Variants in GNAL observed in about 807,000 individuals in gnomAD.
GNAL encodes the protein G protein subunit alpha L, also known as guanine nucleotide-binding protein G(olf) subunit alpha.
A neutral mutation model predicts 55.1 loss-of-function variants in GNAL; 18 were observed. That is an observed-to-expected ratio of 0.33 (90% CI 0.23 to 0.48). The LOEUF is 0.48. GNAL is among the 20% of genes least tolerant of loss of function. The pLI is 0.99. For missense variants in GNAL, 412 were observed against 614.1 expected, an observed-to-expected ratio of 0.67 and a Z score of 3.48; for synonymous variants, 253 against 237.0, an observed-to-expected ratio of 1.07 and a Z score of -0.62.
intron 4 of GNAL, among the ~76,000 whole-genome samples, chr18:11,770,256 G>A (rs1030046699): frequency 2.6e-5 from 4 of 151,514 alleles, no homozygotes; most frequent in Non-Finnish European, 2.9e-5. Context: ...AGTATGATTT[G>A]AAAATAAATT....
chr18:11,819,035 C>G (rs2035027679), intron 4 of GNAL, among the ~76,000 whole-genome samples: 1 of 150,936 alleles, frequency 6.6e-6, no homozygotes, highest in African/African-American at 2.5e-5. Flanking sequence ...CCACAGCCGC[C>G]AGACAGACGG....
intron 5 of GNAL, chr18:11,854,225 C>T (rs1403552447): frequency 1.8e-5 from 3 of 167,116 alleles, no homozygotes; most frequent in Middle Eastern, 3.4e-3. Context: ...GCACATATTC[C>T]CAACAAAATT....
chr18:11,876,808 A>G (rs2143917343), intron 11 of GNAL, 120 bp downstream of exon 11: 2 of 716,718 alleles, frequency 2.8e-6, no homozygotes, highest in South Asian at 3.1e-5. Context: ...GAGCGATGAC[A>G]AAGGGTATGT....
chr18:11,796,660 T>C (rs1473969327), intron 4 of GNAL, among the ~76,000 whole-genome samples: 1 of 150,950 alleles, frequency 6.6e-6, no homozygotes, highest in East Asian at 2.0e-4. Context: ...TTCGGTGATA[T>C]CCTGCCAGTG....
intron 1 of GNAL, among the ~76,000 whole-genome samples, chr18:11,750,859 G>T (rs2032802870): frequency 6.6e-6 from 1 of 152,130 alleles, no homozygotes. Flanking sequence ...GAATGTGTTC[G>T]CTTGCTTGAG....
chr18:11,773,968 T>C (rs191837887), intron 4 of GNAL, among the ~76,000 whole-genome samples: 1 of 152,296 alleles, frequency 6.6e-6, no homozygotes, highest in African/African-American at 2.4e-5. Flanking sequence ...ATCTCTATGC[T>C]CAGTTTCCTC....
intron 4 of GNAL, among the ~76,000 whole-genome samples, chr18:11,763,747 A>G (rs912999782): frequency 6.6e-6 from 1 of 152,244 alleles, no homozygotes; most frequent in Non-Finnish European, 1.5e-5. Context: ...AGCAGTAACA[A>G]TAATAATAAA....
chr18:11,777,231 G>T (rs185394922), intron 4 of GNAL, among the ~76,000 whole-genome samples: 2 of 152,128 alleles, frequency 1.3e-5, no homozygotes, highest in Non-Finnish European at 2.9e-5. Flanking sequence ...TTCCAGGACC[G>T]GTATCATTAC....
intron 4 of GNAL, among the ~76,000 whole-genome samples, chr18:11,755,167 C>T (rs9957006): frequency 0.33 from 49,642 of 152,138 alleles, 8,974 homozygotes; most frequent in African/African-American, 0.48. Flanking sequence ...GAGACCCCGC[C>T]CTGCCTGCAA....
chr18:11,767,389 CCT>C (rs2033443044), intron 4 of GNAL, among the ~76,000 whole-genome samples: 1 of 151,852 alleles, frequency 6.6e-6, no homozygotes, highest in Non-Finnish European at 1.5e-5. Context: ...TGCACACTTG[CCT>C]CTGAGCACCC....
chr18:11,711,675 T>G lies in GNAL; in HGVS notation c.376+21736T>G, dbSNP rs552992291. 2.0e-4 allele frequency among the ~76,000 whole-genome samples: 30 copies of G among 152,258 alleles called. 1 individual carries two copies. Among genetic ancestry groups the G allele is most frequent in the Non-Finnish European group, 1.5e-5 (1 of 68,044 alleles). ...AACTCTCTGAGCTTCATAAGATGAT[T>G]ATTTTTAATTCTTTGTCTGATCTCT... On this transcript the variant is annotated intron_variant, in intron 1 of 11. Transcript: ENST00000334049.
chr18:11,807,282 G>A (rs867939668), intron 4 of GNAL, among the ~76,000 whole-genome samples: 5 of 152,160 alleles, frequency 3.3e-5, no homozygotes, highest in East Asian at 1.9e-4. Context: ...CCTGTAATGC[G>A]ATTTGACTTA....
At chr18:11,767,397 C>A (rs1430703903) in intron 4 of GNAL, among the ~76,000 whole-genome samples, 1 of 151,160 alleles carries the variant, frequency 6.6e-6, no homozygotes, top group East Asian at 2.0e-4. Flanking sequence ...TGCCTCTGAG[C>A]ACCCTTATAC....
intron 1 of GNAL, among the ~76,000 whole-genome samples, chr18:11,744,945 A>G (rs559645306): frequency 5.0e-4 from 76 of 152,262 alleles, no homozygotes; most frequent in African/African-American, 1.6e-3. Flanking sequence ...TCCGGAGCTC[A>G]GGCAATCTGC....
chr18:11,828,011 T>C (rs1199308812), intron 5 of GNAL, among the ~76,000 whole-genome samples: 2 of 151,914 alleles, frequency 1.3e-5, no homozygotes, highest in Non-Finnish European at 2.9e-5. Flanking sequence ...TTAAATAATG[T>C]TTGTAAATTG....
At chr18:11,776,979 G>A (rs2033803701) in intron 4 of GNAL, among the ~76,000 whole-genome samples, 1 of 152,176 alleles carries the variant, frequency 6.6e-6, no homozygotes, top group African/African-American at 2.4e-5. Context: ...GAAGGTTGTA[G>A]TATCAATGTA....
chr18:11,876,148 T>C (rs992193687), intron 10 of GNAL, among the ~76,000 whole-genome samples: 2 of 152,140 alleles, frequency 1.3e-5, no homozygotes, highest in African/African-American at 4.8e-5. Context: ...ATCAGAGCAA[T>C]AACTATTAAA....
Position 11,775,462 on chromosome 18 carries a change from C to T in GNAL, c.624+21517C>T, listed in dbSNP as rs115621982. ...AGTAGCCACCATGGCGGTCCCCTGACGGGGTAGATACGTGGCCCGTGTCAC... is the reference window on the plus strand; with the variant it reads ...AGTAGCCACCATGGCGGTCCCCTGATGGGGTAGATACGTGGCCCGTGTCAC... On this transcript the variant is annotated intron_variant, in intron 4 of 11. Transcript: ENST00000334049. Among the ~76,000 whole-genome samples the T allele has an allele frequency of 5.0e-3, 755 of 152,368 alleles. 4 individuals carry two copies. Among genetic ancestry groups the T allele is most frequent in the African/African-American group, 0.017 (714 of 41,586 alleles).
chr18:11,701,241 G>C (rs2031560592), intron 1 of GNAL, among the ~76,000 whole-genome samples: 2 of 152,156 alleles, frequency 1.3e-5, no homozygotes, highest in South Asian at 4.1e-4. Context: ...TTTTATGAGT[G>C]GGGAGGTACA....
Sources: gnomAD v4.1 joint callset for allele counts (sites outside exome capture counted in the v4.1 genomes callset) on GRCh38, gnomAD v4.1.1 for gene constraint, MANE v1.5 for transcripts, NCBI Gene and HGNC (gene_info 2026-07-23, HGNC 2026-07-21) for gene names.